The following PLCL1 variants were observed in gnomAD, a reference collection of about 807,000 sequenced individuals.
PLCL1 encodes inactive phospholipase C-like protein 1.
Under a neutral mutation model 84.4 loss-of-function variants are expected in PLCL1, and 41 were observed. The ratio of observed to expected loss-of-function variants is 0.49; its 90% CI spans 0.38 to 0.63. The LOEUF (loss-of-function observed/expected upper bound fraction) is 0.63, where lower values mean the gene tolerates loss of function less well. Ranked by LOEUF, PLCL1 falls within the 30% of genes least tolerant of loss-of-function variation. The probability of loss-of-function intolerance (pLI) is 0.00; values close to 1 mark genes in which losing one functional copy is unlikely to be tolerated. For missense variants in PLCL1, 1,206 were observed against 1,367.8 expected, an observed-to-expected ratio of 0.88 and a Z score of 1.87; for synonymous variants, 490 against 488.3, an observed-to-expected ratio of 1.00 and a Z score of -0.05.
At chr2:197,847,524 T>C (rs1275654221) in intron 1 of PLCL1, among the ~76,000 whole-genome samples, 1 of 152,192 alleles carries the variant, frequency 6.6e-6, no homozygotes, top group South Asian at 2.1e-4. Context: ...ACCTTCTTTT[T>C]CCAAGCAGAC....
At chr2:197,864,383 A>G (rs1021796928) in intron 1 of PLCL1, among the ~76,000 whole-genome samples, 33 of 141,692 alleles carry the variant, frequency 2.3e-4, no homozygotes, top group African/African-American at 8.4e-4. Context: ...TGTTTCATTT[A>G]TTTTTTAAGG....
Position 197,841,144 on chromosome 2 carries a change from T to TATA in PLCL1, c.240+35805_240+35806insATA, listed in dbSNP as rs554555085. On this transcript the variant is annotated intron_variant, in intron 1 of 5. Coordinates refer to ENST00000428675, the MANE Select transcript of PLCL1 (RefSeq NM_006226.4). ...CTATAATTAATGTCTTGCATTAGTG[T>TATA]GATACATTTGTTACTTTGATAAGCC... Among the ~76,000 whole-genome samples the TATA allele has an allele frequency of 2.7e-3, 404 of 152,334 alleles. 4 individuals carry two copies. Among genetic ancestry groups the TATA allele is most frequent in the African/African-American group, 9.4e-3 (389 of 41,572 alleles).
chr2:198,014,426 A>G (rs1369527976), intron 1 of PLCL1, among the ~76,000 whole-genome samples: 1 of 152,110 alleles, frequency 6.6e-6, no homozygotes, highest in Non-Finnish European at 1.5e-5. Flanking sequence ...CTGTAAAGTG[A>G]GCACAATGGT....
chr2:198,100,027 A>G (rs1693293168), intron 3 of PLCL1, among the ~76,000 whole-genome samples: 1 of 152,178 alleles, frequency 6.6e-6, no homozygotes. Context: ...AAATCTAGAG[A>G]CAAAAAGAGA....
intron 1 of PLCL1, among the ~76,000 whole-genome samples, chr2:197,829,486 T>C (rs1691009190): frequency 6.6e-6 from 1 of 152,190 alleles, no homozygotes; most frequent in African/African-American, 2.4e-5. Context: ...TTAAAATCCA[T>C]TTTTAAATTT....
chr2:197,965,401 G>T lies in PLCL1; in HGVS notation c.241-118357G>T, dbSNP rs187910421. On this transcript the variant is annotated intron_variant, in intron 1 of 5. Coordinates refer to ENST00000428675, the MANE Select transcript of PLCL1 (RefSeq NM_006226.4). The stretch of plus-strand genomic sequence containing the variant: ...CTTTTGAATTTCTGTGGTATTGGTT[G>T]TCATATCTCCTTTAACATCTCTGAT... 3.1e-3 allele frequency among the ~76,000 whole-genome samples: 477 copies of T among 152,128 alleles called. 6 individuals are homozygous for T. The highest frequency in any genetic ancestry group is 0.011 in the African/African-American group (461 of 41,528).
At chr2:197,968,384 CA>C (rs1689790993) in intron 1 of PLCL1, among the ~76,000 whole-genome samples, 1 of 152,136 alleles carries the variant, frequency 6.6e-6, no homozygotes, top group African/African-American at 2.4e-5. Context: ...TCCCCCCTTA[CA>C]AAATGGTAAT....
chr2:197,879,442 C>T (rs1054225821), intron 1 of PLCL1, among the ~76,000 whole-genome samples: 1 of 152,074 alleles, frequency 6.6e-6, no homozygotes, highest in African/African-American at 2.4e-5. Context: ...TACAGTAGTG[C>T]TGTAACTAAC....
intron 1 of PLCL1, among the ~76,000 whole-genome samples, chr2:197,952,573 G>A (rs1424457144): frequency 2.0e-5 from 3 of 152,126 alleles, no homozygotes; most frequent in Non-Finnish European, 4.4e-5. Flanking sequence ...TTGGTAAGCA[G>A]TATTTTATCT....
chr2:197,959,097 T>C (rs1357769348), intron 1 of PLCL1, among the ~76,000 whole-genome samples: 2 of 152,054 alleles, frequency 1.3e-5, no homozygotes, highest in African/African-American at 4.8e-5. Context: ...ACTAGCTATG[T>C]GACTTCAGCC....
rs377574315 is a variant in PLCL1, at chr2:198,069,067, TA to T, written c.241-14683del. ...ATAAAATAAAATAAAAATAAAAAAA[TA>T]AAAAAAATTGCCTAGATAAGCAAAC... On this transcript the variant is annotated intron_variant, in intron 1 of 5. Coordinates refer to ENST00000428675, the MANE Select transcript of PLCL1 (RefSeq NM_006226.4). Among the ~76,000 whole-genome samples, 33 of 149,864 alleles carry T rather than the reference TA, an allele frequency of 2.2e-4. No individual in the cohort carries two copies. In the East Asian group the frequency reaches 2.5e-3, roughly 12 times the overall value.
At position 197,968,623 on chromosome 2, in the gene PLCL1, T is replaced by C. The variant is rs1335289432; in HGVS notation, c.241-115135T>C. ...CTTAATTCTCCAGTTTTAGTTTCCA[T>C]TCCTCTATAAAAAATTATTTTATCT... On this transcript the variant is annotated intron_variant, in intron 1 of 5. Coordinates refer to ENST00000428675, the MANE Select transcript of PLCL1 (RefSeq NM_006226.4). Among the ~76,000 whole-genome samples the C allele has an allele frequency of 2.0e-5, 3 of 152,346 alleles. No individual in the cohort carries two copies. In the East Asian group the frequency reaches 5.8e-4, roughly 29 times the overall value.
chr2:197,834,943 T>C (rs892315592), intron 1 of PLCL1, among the ~76,000 whole-genome samples: 5 of 152,234 alleles, frequency 3.3e-5, no homozygotes, highest in Non-Finnish European at 5.9e-5. Flanking sequence ...ATGTGGCACA[T>C]GTATACCATG....
At chr2:198,114,147 T>C (rs914733469) in intron 5 of PLCL1, among the ~76,000 whole-genome samples, 1 of 151,838 alleles carries the variant, frequency 6.6e-6, no homozygotes, top group East Asian at 1.9e-4. Context: ...TATCCAACAA[T>C]ATAGGACAGT....
intron 1 of PLCL1, among the ~76,000 whole-genome samples, chr2:197,913,327 T>A (rs1407203707): frequency 6.6e-6 from 1 of 152,238 alleles, no homozygotes; most frequent in African/African-American, 2.4e-5. Context: ...TCTCCACCAA[T>A]GATATTCAGC....
At chr2:198,107,806 A>G (rs1413697001) in intron 5 of PLCL1, among the ~76,000 whole-genome samples, 2 of 151,928 alleles carry the variant, frequency 1.3e-5, no homozygotes, top group Non-Finnish European at 2.9e-5. Flanking sequence ...CTCACATACT[A>G]GCTGCTGGTA....
At chr2:197,942,589 AG>A (rs1689180536) in intron 1 of PLCL1, among the ~76,000 whole-genome samples, 1 of 152,232 alleles carries the variant, frequency 6.6e-6, no homozygotes, top group Non-Finnish European at 1.5e-5. Flanking sequence ...TGAAAGGAAA[AG>A]GTTTTTATTG....
At chr2:198,108,448 A>G (rs1490965708) in intron 5 of PLCL1, among the ~76,000 whole-genome samples, 2 of 151,860 alleles carry the variant, frequency 1.3e-5, no homozygotes, top group African/African-American at 4.8e-5. Flanking sequence ...AAGGAGCTGG[A>G]AAAAAATGAG....
chr2:198,004,650 A>G (rs1372903379), intron 1 of PLCL1, among the ~76,000 whole-genome samples: 2 of 152,230 alleles, frequency 1.3e-5, no homozygotes, highest in Non-Finnish European at 2.9e-5. Context: ...TAAGAATTAG[A>G]TGAGTACTGT....
Sources: gnomAD v4.1 joint callset for allele counts (sites outside exome capture counted in the v4.1 genomes callset) on GRCh38, gnomAD v4.1.1 for gene constraint, MANE v1.5 for transcripts, NCBI Gene and HGNC (gene_info 2026-07-23, HGNC 2026-07-21) for gene names.